Variants in SUMF2 observed in about 807,000 individuals in gnomAD.
SUMF2 encodes inactive C-alpha-formylglycine-generating enzyme 2.
SUMF2 carries 45 observed loss-of-function variants against 44.8 expected under a neutral mutation model. The observed-to-expected ratio is 1.00, with a 90% CI of 0.79 to 1.29. SUMF2 has a LOEUF of 1.29. Among genes scored for constraint, SUMF2 ranks in the 50% most tolerant of loss-of-function variants. The pLI is 0.00. For synonymous variants in SUMF2, 148 were observed against 150.4 expected (o/e 0.98, Z 0.12); for missense variants, 418 against 389.9 (o/e 1.07, Z -0.61).
At chr7:56,084,115 A>G (rs1465992919), downstream of SUMF2, 2 of 1,191,968 alleles carry the variant, frequency 1.7e-6, no homozygotes, top group Admixed American at 2.0e-5. Context: ...CAGGGAAGCA[A>G]TGGGCCCCGA....
chr7:56,085,736 G>A, the SUMF2 span, among the ~76,000 whole-genome samples: 9 of 151,976 alleles, frequency 5.9e-5, no homozygotes, highest in Non-Finnish European at 1.0e-4. Context: ...AGGCCGAGGC[G>A]AGTGGATCAC....
In SUMF2 at chr7:56,076,824, C is replaced by T. The variant is rs766355315; in HGVS notation, c.536-10C>T. 6.3e-7 allele frequency: 1 copy of T among 1,592,410 alleles called. No homozygotes were observed. The highest frequency in any genetic ancestry group is 2.3e-5 in the East Asian group (1 of 43,394). On this transcript the variant is annotated splice_polypyrimidine_tract_variant and intron_variant, in intron 5 of 8. Coordinates refer to ENST00000434526, the MANE Select transcript of SUMF2 (RefSeq NM_015411.4). The stretch of plus-strand genomic sequence containing the variant: ...CCCCCTCCTCTGCTGCCTCCTTGCT[C>T]TCCTCGCAGGTCAAGTTTACCCATG...
At chr7:56,078,299 C>T in intron 7 of SUMF2, 65 bp from the exon 8 acceptor site, 1 of 1,560,616 alleles carries the variant, frequency 6.4e-7, no homozygotes, top group Non-Finnish European at 8.7e-7. Context: ...GCCCCCAGGA[C>T]CTCAGAGGGT....
chr7:56,077,426 C>T (rs1584601009), intron 6 of SUMF2, among the ~76,000 whole-genome samples: 1 of 149,802 alleles, frequency 6.7e-6, no homozygotes, highest in Non-Finnish European at 1.5e-5. Flanking sequence ...CTTTGGGAGG[C>T]CGAGGCGGGT....
At chr7:56,082,035 C>T (rs760767064), downstream of SUMF2, 17 of 1,612,924 alleles carry the variant, frequency 1.1e-5, no homozygotes, top group Admixed American at 1.0e-4. Context: ...CATGATGACG[C>T]CAGTGCTCCA....
chr7:56,081,463 C>T (rs1412198923), downstream of SUMF2, among the ~76,000 whole-genome samples: 4 of 152,142 alleles, frequency 2.6e-5, no homozygotes, highest in African/African-American at 4.8e-5. This position sits in a 1 kb window ranked among gnomAD's most constrained non-coding sequence, Gnocchi z 4.6. Flanking sequence ...CCTCAGGGAC[C>T]GAGCCAGTGG....
chr7:56,066,220 A>C (rs188405990), intron 1 of SUMF2, among the ~76,000 whole-genome samples: 10 of 152,188 alleles, frequency 6.6e-5, no homozygotes, highest in African/African-American at 2.4e-4. Context: ...AAAGACAAGG[A>C]CTCTGCCTTG....
chr7:56,064,440 C>G, intron 1 of SUMF2, 62 bp downstream of exon 1: 2 of 1,547,736 alleles, frequency 1.3e-6, no homozygotes, highest in Admixed American at 4.1e-5. Context: ...TCCGCCCTGA[C>G]GGGAGAGAGC....
Position 56,074,693 on chromosome 7 carries a change from C to T in SUMF2, c.492C>T (p.Pro164=), listed in dbSNP as rs1236445068. The change falls in exon 5 of 9, where the codon CCC becomes CCT. Residue 164 remains proline (P), a synonymous_variant. Transcript: ENST00000434526. ...AYCAWRGKRL[P]TEEEWEFAAR... The stretch of plus-strand genomic sequence containing the variant: ...GTGCTTGGCGGGGAAAACGACTGCC[C>T]ACGGAGGAAGAGTGGGAGTTTGCCG... 2 of 1,614,140 alleles carry T rather than the reference C, an allele frequency of 1.2e-6. No homozygotes were observed. The highest frequency in any genetic ancestry group is 1.7e-6 in the Non-Finnish European group (2 of 1,180,032).
chr7:56,082,563 A>T (rs761884107), downstream of SUMF2, among the ~76,000 whole-genome samples: 6 of 152,036 alleles, frequency 3.9e-5, no homozygotes, highest in Non-Finnish European at 8.8e-5. Flanking sequence ...ACTTCACTCC[A>T]GCCTGGTGAC....
downstream of SUMF2, chr7:56,083,431 G>T (rs373657174): frequency 1.2e-6 from 2 of 1,614,122 alleles, no homozygotes; most frequent in Non-Finnish European, 1.7e-6. Context: ...AGCAGAGCTC[G>T]CATGATCTTT....
the SUMF2 span, among the ~76,000 whole-genome samples, chr7:56,085,836 T>G: frequency 1.3e-5 from 2 of 151,978 alleles, no homozygotes. Context: ...TTGCTGGGCA[T>G]GGTGGTGGGT....
chr7:56,087,589 A>C, the SUMF2 span: 7 of 1,611,056 alleles, frequency 4.3e-6, no homozygotes, highest in Non-Finnish European at 5.9e-6. Flanking sequence ...GCTTGGGGCC[A>C]TCACTCACTG....
At chr7:56,072,684 T>G (rs1473317018) in intron 2 of SUMF2, among the ~76,000 whole-genome samples, 2 of 147,234 alleles carry the variant, frequency 1.4e-5, no homozygotes, top group African/African-American at 5.1e-5. Context: ...GATCACACCA[T>G]TGCACTCCAG....
chr7:56,083,295 G>A (rs187745069), downstream of SUMF2: 190 of 1,613,840 alleles, frequency 1.2e-4, no homozygotes, highest in East Asian at 3.2e-3. Flanking sequence ...CCTCTCTCCC[G>A]GCTCCAGCTG....
intron 1 of SUMF2, 38 bp from the exon 2 acceptor site, chr7:56,068,444 A>T (rs562629978): frequency 2.6e-6 from 4 of 1,563,706 alleles, no homozygotes; most frequent in Non-Finnish European, 3.5e-6. Flanking sequence ...TTTTATATAT[A>T]TGCATGTATT....
At chr7:56,065,187 T>C (rs1414077925) in intron 1 of SUMF2, among the ~76,000 whole-genome samples, 3 of 107,932 alleles carry the variant, frequency 2.8e-5, no homozygotes, top group Non-Finnish European at 5.3e-5. Flanking sequence ...CGAGACTCCG[T>C]CTCAAAAAAA....
intron 2 of SUMF2, 142 bp downstream of exon 2, chr7:56,068,780 G>T: frequency 1.1e-6 from 1 of 916,794 alleles, no homozygotes; most frequent in Non-Finnish European, 1.6e-6. Context: ...CTCGCTCACT[G>T]CAACCTCCAC....
chr7:56,087,662 C>G, the SUMF2 span: 1 of 1,613,996 alleles, frequency 6.2e-7, no homozygotes, highest in South Asian at 1.1e-5. Flanking sequence ...CTTCTCGCAG[C>G]TCCCGCACCT....
Sources: gnomAD v4.1 joint callset for allele counts (sites outside exome capture counted in the v4.1 genomes callset) on GRCh38, gnomAD v4.1.1 for gene constraint, Gnocchi (gnomAD v3.1) non-coding constraint, MANE v1.5 for transcripts, NCBI Gene and HGNC (gene_info 2026-07-23, HGNC 2026-07-21) for gene names.